SH3RF3: variants seen among roughly 807,000 people sequenced by gnomAD.
SH3RF3 encodes SH3 domain containing ring finger 3, also known as E3 ubiquitin-protein ligase SH3RF3.
In SH3RF3, 29 loss-of-function variants were observed where a neutral mutation model predicts 66.3. That is an observed-to-expected ratio of 0.44 (90% CI 0.33 to 0.60). The LOEUF is 0.60. Ranked by LOEUF, SH3RF3 falls within the 20% of genes least tolerant of loss-of-function variation. The probability of loss-of-function intolerance (pLI) is 0.04; values close to 1 mark genes in which losing one functional copy is unlikely to be tolerated. For synonymous variants in SH3RF3, 583 were observed against 532.0 expected (o/e 1.10, Z -1.32); for missense variants, 1,194 against 1,190.9 (o/e 1.00, Z -0.04).
At position 109,353,645 on chromosome 2, in the gene SH3RF3, G is replaced by T. The variant is rs114523236; in HGVS notation, c.849+5696G>T. Among the ~76,000 whole-genome samples, 393 of 152,294 alleles carry T rather than the reference G, an allele frequency of 2.6e-3. 2 individuals are homozygous for T. The highest frequency in any genetic ancestry group is 9.1e-3 in the African/African-American group (377 of 41,564). ...CTCTGTCTCCTCACCCAGGCTTCTT[G>T]GTCCATTCCTTCACTCTTCAGATGT... is the stretch of plus-strand genomic sequence containing the variant. On this transcript the variant is annotated intron_variant, in intron 2 of 9. Coordinates refer to ENST00000309415, the MANE Select transcript of SH3RF3 (RefSeq NM_001099289.3).
intron 1 of SH3RF3, among the ~76,000 whole-genome samples, chr2:109,281,994 G>A (rs961983590): frequency 1.3e-5 from 2 of 152,112 alleles, no homozygotes; most frequent in Admixed American, 6.5e-5. Flanking sequence ...AGGCTTTCGG[G>A]ATGCTCCAGG....
chr2:109,401,058 G>A (rs1559063670), intron 4 of SH3RF3, among the ~76,000 whole-genome samples: 1 of 152,200 alleles, frequency 6.6e-6, no homozygotes, highest in African/African-American at 2.4e-5. Context: ...GCACATCTGG[G>A]GGGTAAAGCC....
At chr2:109,430,186 C>G (rs1298413154) in intron 5 of SH3RF3, among the ~76,000 whole-genome samples, 1 of 152,266 alleles carries the variant, frequency 6.6e-6, no homozygotes, top group Non-Finnish European at 1.5e-5. Context: ...GAGTTGCATA[C>G]TGTTGCCCAT....
In SH3RF3 at chr2:109,414,645, G is replaced by A. The variant is rs529229658; in HGVS notation, c.1300-4894G>A. 1.6e-4 allele frequency among the ~76,000 whole-genome samples: 24 copies of A among 152,216 alleles called. No homozygotes were observed. In the South Asian group the frequency reaches 4.8e-3, roughly 30 times the overall value. ...ACATGACCCCAGATCTGCTGCCCAG[G>A]CCAGTCCCTTCTGAGCTCCTGATTG... On this transcript the variant is annotated intron_variant, in intron 4 of 9. Transcript: ENST00000309415.
chr2:109,229,529 C>T (rs1679447779), intron 1 of SH3RF3, among the ~76,000 whole-genome samples: 2 of 152,068 alleles, frequency 1.3e-5, no homozygotes, highest in Admixed American at 6.5e-5. Flanking sequence ...GCTTGAGAGC[C>T]CGATACGGGA....
At chr2:109,486,215 A>G (rs935542770) in intron 8 of SH3RF3, among the ~76,000 whole-genome samples, 3 of 152,186 alleles carry the variant, frequency 2.0e-5, no homozygotes, top group South Asian at 2.1e-4. Flanking sequence ...CTTCTGATTG[A>G]TCACTTCCTA....
At chr2:109,442,653 A>T (rs573649606) in intron 7 of SH3RF3, among the ~76,000 whole-genome samples, 1 of 152,324 alleles carries the variant, frequency 6.6e-6, no homozygotes, top group South Asian at 2.1e-4. Flanking sequence ...TATGTTATGA[A>T]ATCATTTGTA....
chr2:109,353,451 T>C, intron 2 of SH3RF3, among the ~76,000 whole-genome samples: 1 of 152,208 alleles, frequency 6.6e-6, no homozygotes, highest in East Asian at 1.9e-4. Context: ...TAGGTGTTCA[T>C]AGTCACGTGA....
intron 1 of SH3RF3, among the ~76,000 whole-genome samples, chr2:109,271,547 A>G (rs1482831658): frequency 1.3e-5 from 2 of 152,190 alleles, no homozygotes; most frequent in Non-Finnish European, 1.5e-5. Flanking sequence ...AACCCCTCAA[A>G]CTCAAGATAG....
chr2:109,312,906 C>T (rs1051517969), intron 1 of SH3RF3, among the ~76,000 whole-genome samples: 2 of 152,242 alleles, frequency 1.3e-5, no homozygotes, highest in African/African-American at 2.4e-5. Context: ...TGCTGGGTCA[C>T]GTGGTCATCC....
At chr2:109,414,077 C>T (rs1013536370) in intron 4 of SH3RF3, among the ~76,000 whole-genome samples, 10 of 152,202 alleles carry the variant, frequency 6.6e-5, no homozygotes, top group Admixed American at 2.0e-4. Context: ...CTATGGGTCT[C>T]CTTCTGTTTA....
chr2:109,228,397 A>G (rs984785028), intron 1 of SH3RF3, among the ~76,000 whole-genome samples: 2 of 152,156 alleles, frequency 1.3e-5, no homozygotes, highest in African/African-American at 4.8e-5. Context: ...AGGAAAACCA[A>G]CTGTTTTCCT....
intron 1 of SH3RF3, among the ~76,000 whole-genome samples, chr2:109,246,449 G>A (rs12613416): frequency 6.6e-6 from 1 of 151,972 alleles, no homozygotes. Context: ...CCTCCCCAAA[G>A]GCCTCAGCTC....
rs117746132 is a variant in SH3RF3, at chr2:109,424,010, G to A, written c.1403+4368G>A. On this transcript the variant is annotated intron_variant, in intron 5 of 9. Transcript: ENST00000309415. The stretch of plus-strand genomic sequence containing the variant: ...GGTCGGAGACGTCTGGGCCGCTGCA[G>A]GGCCGGTTGCAGTGGAGGGAAGGAG... Among the ~76,000 whole-genome samples the A allele has an allele frequency of 9.6e-4, 146 of 152,344 alleles. 1 individual carries two copies. The East Asian group carries it at 0.016, about 16-fold the overall frequency.
Position 109,249,612 on chromosome 2 carries a change from T to C in SH3RF3, c.574-98062T>C, listed in dbSNP as rs1308489210. 1.0e-4 allele frequency among the ~76,000 whole-genome samples: 15 copies of C among 148,404 alleles called. No homozygotes were observed. The East Asian group carries it at 2.2e-3, about 22-fold the overall frequency. On this transcript the variant is annotated intron_variant, in intron 1 of 9. Transcript: ENST00000309415. ...TCCTTTCTTTCTTTTTCTTTCTTTC[T>C]TTCTCTTTCTTTCTCTCTCTCTTTC...
At chr2:109,172,388 C>A (rs1335163729) in intron 1 of SH3RF3, among the ~76,000 whole-genome samples, 1 of 152,264 alleles carries the variant, frequency 6.6e-6, no homozygotes, top group Non-Finnish European at 1.5e-5. Context: ...CGTCCTCTCC[C>A]TGCTCCTGGA....
At chr2:109,500,195 A>T (rs952425955) in intron 9 of SH3RF3, among the ~76,000 whole-genome samples, 2 of 152,070 alleles carry the variant, frequency 1.3e-5, no homozygotes, top group Admixed American at 6.5e-5. Context: ...GAGCTGTTAG[A>T]AGCTATGTTA....
intron 1 of SH3RF3, among the ~76,000 whole-genome samples, chr2:109,232,373 C>G (rs1005886587): frequency 6.6e-6 from 1 of 152,140 alleles, no homozygotes; most frequent in African/African-American, 2.4e-5. Context: ...AAATATGGCT[C>G]AGGTTAGTAC....
intron 1 of SH3RF3, among the ~76,000 whole-genome samples, chr2:109,305,717 T>G (rs1360925248): frequency 1.3e-5 from 2 of 152,226 alleles, no homozygotes; most frequent in East Asian, 3.9e-4. Flanking sequence ...GGTGTGTGGC[T>G]ACAATGCGGG....
Sources: allele counts gnomAD v4.1 joint callset (sites outside exome capture counted in the v4.1 genomes callset), GRCh38; gene constraint gnomAD v4.1.1; transcripts MANE v1.5; gene names NCBI Gene and HGNC (gene_info 2026-07-23, HGNC 2026-07-21).